BNC2: variants seen among roughly 807,000 people sequenced by gnomAD.
BNC2 encodes basonuclin zinc finger protein 2.
Under a neutral mutation model 76.3 loss-of-function variants are expected in BNC2, and 20 were observed. The ratio of observed to expected loss-of-function variants is 0.26; its 90% confidence interval spans 0.18 to 0.38. The LOEUF is 0.38. BNC2 is among the 10% of genes least tolerant of loss of function. The probability of loss-of-function intolerance (pLI) is 1.00; values close to 1 mark genes in which losing one functional copy is unlikely to be tolerated. For synonymous variants in BNC2, 582 were observed against 514.8 expected (o/e 1.13, Z -1.77); for missense variants, 1,382 against 1,399.8 (o/e 0.99, Z 0.20).
chr9:16,471,013 T>A (rs1821812057), intron 5 of BNC2, among the ~76,000 whole-genome samples: 1 of 152,004 alleles, frequency 6.6e-6, no homozygotes, highest in African/African-American at 2.4e-5. Context: ...TGCCAGCCCA[T>A]GAAAGCAGCT....
chr9:16,820,410 G>T (rs1027566181), intron 1 of BNC2, among the ~76,000 whole-genome samples: 3 of 151,472 alleles, frequency 2.0e-5, no homozygotes, highest in African/African-American at 7.3e-5. Context: ...TGGGCAACAA[G>T]AGCAAAATTT....
intron 4 of BNC2, among the ~76,000 whole-genome samples, chr9:16,560,984 TCCCAGCACTTTGGGAGG>T: frequency 6.7e-6 from 1 of 149,574 alleles, no homozygotes; most frequent in Non-Finnish European, 1.5e-5. Flanking sequence ...ATGCCTGTAA[TCCCAGCACTTTGGGAGG>T]CCCAGCACTT....
intron 1 of BNC2, among the ~76,000 whole-genome samples, chr9:16,864,836 CA>C (rs1220828536): frequency 1.3e-5 from 2 of 151,680 alleles, no homozygotes; most frequent in African/African-American, 4.9e-5. Context: ...TGAAGCTGCA[CA>C]GACACTAATG....
chr9:16,721,660 A>C (rs7042146), intron 3 of BNC2, among the ~76,000 whole-genome samples: 134,173 of 152,158 alleles, frequency 0.88, 59,430 homozygotes, highest in Non-Finnish European at 0.92. Context: ...CTCCAAACCT[A>C]CCGTGAAAGG....
intron 5 of BNC2, among the ~76,000 whole-genome samples, chr9:16,456,906 G>A (rs2131159946): frequency 6.6e-6 from 1 of 152,178 alleles, no homozygotes; most frequent in East Asian, 1.9e-4. Flanking sequence ...TTCCATATGA[G>A]GGTCAACTGT....
At chr9:16,782,068 C>T (rs1277937783) in intron 1 of BNC2, among the ~76,000 whole-genome samples, 6 of 151,916 alleles carry the variant, frequency 3.9e-5, no homozygotes, top group Non-Finnish European at 5.9e-5. Flanking sequence ...GGGCGGATCA[C>T]GAGCTCAGGA....
intron 3 of BNC2, among the ~76,000 whole-genome samples, chr9:16,678,731 C>T (rs1387140405): frequency 6.7e-6 from 1 of 149,794 alleles, no homozygotes; most frequent in East Asian, 2.0e-4. Context: ...AAAGGAATGG[C>T]TTTTATTTTA....
At chr9:16,603,002 T>C (rs917848000) in intron 3 of BNC2, among the ~76,000 whole-genome samples, 2 of 152,258 alleles carry the variant, frequency 1.3e-5, no homozygotes, top group African/African-American at 4.8e-5. Context: ...CACTGAATTT[T>C]TGGGAATTTC....
At chr9:16,459,706 T>A (rs746158516) in intron 5 of BNC2, among the ~76,000 whole-genome samples, 11 of 152,082 alleles carry the variant, frequency 7.2e-5, no homozygotes, top group African/African-American at 2.7e-4. Context: ...GGTTTTTAGA[T>A]CCCACATTGG....
chr9:16,644,904 G>C (rs1363432001), intron 3 of BNC2, among the ~76,000 whole-genome samples: 1 of 152,128 alleles, frequency 6.6e-6, no homozygotes, highest in Non-Finnish European at 1.5e-5. Context: ...TTCAAAGTTT[G>C]AAAGAAACTA....
intron 3 of BNC2, among the ~76,000 whole-genome samples, chr9:16,596,217 G>C (rs920288670): frequency 6.6e-6 from 1 of 152,038 alleles, no homozygotes; most frequent in Non-Finnish European, 1.5e-5. Context: ...ACAGTGTAGA[G>C]GAAGAAATAA....
intron 4 of BNC2, among the ~76,000 whole-genome samples, chr9:16,576,295 A>T (rs1397597386): frequency 6.6e-6 from 1 of 152,216 alleles, no homozygotes; most frequent in Non-Finnish European, 1.5e-5. Context: ...TGACACATTT[A>T]CAAATTATCA....
At chr9:16,815,914 T>C (rs945777668) in intron 1 of BNC2, among the ~76,000 whole-genome samples, 2 of 152,160 alleles carry the variant, frequency 1.3e-5, no homozygotes, top group African/African-American at 2.4e-5. Flanking sequence ...AGCTGAATAA[T>C]GCTCTGTAAG....
At chr9:16,435,309 G>C (rs1262558185) in intron 6 of BNC2, among the ~76,000 whole-genome samples, 3 of 152,112 alleles carry the variant, frequency 2.0e-5, no homozygotes, top group African/African-American at 7.2e-5. Flanking sequence ...TATACACAGA[G>C]CACAGAGAAA....
chr9:16,537,634 T>C (rs1818171385), intron 5 of BNC2, among the ~76,000 whole-genome samples: 1 of 151,992 alleles, frequency 6.6e-6, no homozygotes, highest in African/African-American at 2.4e-5. Context: ...GATGTATCTT[T>C]CATAAACCCA....
intron 3 of BNC2, among the ~76,000 whole-genome samples, chr9:16,601,979 C>T (rs1377720538): frequency 2.6e-5 from 4 of 152,110 alleles, no homozygotes; most frequent in African/African-American, 4.8e-5. Flanking sequence ...TCTACATAAT[C>T]GTCAAAGTAT....
intron 1 of BNC2, among the ~76,000 whole-genome samples, chr9:16,846,260 A>G (rs1374127839): frequency 6.6e-6 from 1 of 152,238 alleles, no homozygotes; most frequent in Non-Finnish European, 1.5e-5. Flanking sequence ...CATTAACTTA[A>G]TAAGAGGAAA....
intron 5 of BNC2, among the ~76,000 whole-genome samples, chr9:16,462,016 TAC>T (rs1258755226): frequency 1.3e-5 from 2 of 152,172 alleles, no homozygotes; most frequent in Non-Finnish European, 2.9e-5. Context: ...GTTGTAGACA[TAC>T]AGTTACAAGA....
chr9:16,646,579 C>T (rs2133903241), intron 3 of BNC2, among the ~76,000 whole-genome samples: 1 of 152,044 alleles, frequency 6.6e-6, no homozygotes, highest in African/African-American at 2.4e-5. Flanking sequence ...ATAATGGTTG[C>T]CTTAGGGGAA....
Sources: allele counts gnomAD v4.1 joint callset (sites outside exome capture counted in the v4.1 genomes callset), GRCh38; gene constraint gnomAD v4.1.1; transcripts MANE v1.5; gene names NCBI Gene and HGNC (gene_info 2026-07-23, HGNC 2026-07-21).